The following MPP7 variants were observed in gnomAD, a reference collection of about 807,000 sequenced individuals.
MPP7 encodes the protein MAGUK p55 scaffold protein 7.
In MPP7, 60 loss-of-function variants were observed where a neutral mutation model predicts 76.5. That is an observed-to-expected ratio of 0.78 (90% CI 0.64 to 0.97). The LOEUF is 0.97. MPP7 is among the 50% of genes least tolerant of loss of function. MPP7 has a pLI of 0.00. For synonymous variants in MPP7, 237 were observed against 244.5 expected, an observed-to-expected ratio of 0.97 and a Z score of 0.29; for missense variants, 641 against 694.0, an observed-to-expected ratio of 0.92 and a Z score of 0.86.
chr10:28,131,000 C>G (rs1028236270), intron 6 of MPP7, among the ~76,000 whole-genome samples: 4 of 151,984 alleles, frequency 2.6e-5, no homozygotes, highest in Non-Finnish European at 5.9e-5. Flanking sequence ...ATTAGAGGTT[C>G]TATTTTTCTA....
At chr10:28,101,394 C>G (rs1004315591) in intron 11 of MPP7, among the ~76,000 whole-genome samples, 7 of 152,018 alleles carry the variant, frequency 4.6e-5, no homozygotes, top group African/African-American at 1.7e-4. Flanking sequence ...TGTTGAAGAT[C>G]AGTGTTGCTT....
At chr10:28,244,519 T>C (rs1839370030) in intron 1 of MPP7, among the ~76,000 whole-genome samples, 1 of 152,070 alleles carries the variant, frequency 6.6e-6, no homozygotes, top group Non-Finnish European at 1.5e-5. Context: ...GAAAAAAAGA[T>C]TATGAAGGAT....
At chr10:28,261,928 T>C (rs1395711435) in intron 1 of MPP7, among the ~76,000 whole-genome samples, 8 of 144,390 alleles carry the variant, frequency 5.5e-5, no homozygotes, top group African/African-American at 2.0e-4. Flanking sequence ...GGTGGGTGGA[T>C]TGCTTGAGGT....
chr10:28,074,605 C>A (rs1006192629), intron 12 of MPP7, among the ~76,000 whole-genome samples: 1 of 152,090 alleles, frequency 6.6e-6, no homozygotes, highest in Non-Finnish European at 1.5e-5. Flanking sequence ...TCTAAAGCAG[C>A]CTTTATCCTT....
intron 11 of MPP7, among the ~76,000 whole-genome samples, chr10:28,105,760 G>T (rs2133538749): frequency 6.6e-6 from 1 of 152,220 alleles, no homozygotes; most frequent in Non-Finnish European, 1.5e-5. Context: ...CACTGGCCTT[G>T]GCTTCCCAAA....
chr10:28,297,101 CAT>C (rs1438525132), intron 1 of MPP7, among the ~76,000 whole-genome samples: 8 of 152,208 alleles, frequency 5.3e-5, no homozygotes, highest in African/African-American at 1.2e-4. Context: ...GAAGATATCA[CAT>C]GTTCCATTCC....
At chr10:28,163,393 A>G (rs182195356) in intron 3 of MPP7, among the ~76,000 whole-genome samples, 2 of 152,256 alleles carry the variant, frequency 1.3e-5, no homozygotes, top group East Asian at 3.9e-4. Context: ...CCATCTTACT[A>G]TCTTACCTAT....
At chr10:28,094,653 A>T (rs890190136) in intron 11 of MPP7, among the ~76,000 whole-genome samples, 1 of 152,162 alleles carries the variant, frequency 6.6e-6, no homozygotes, top group Non-Finnish European at 1.5e-5. Flanking sequence ...CGGGGTGAGG[A>T]GGGGGAGTTA....
chr10:28,267,593 T>C (rs1840186916), intron 1 of MPP7, among the ~76,000 whole-genome samples: 1 of 152,214 alleles, frequency 6.6e-6, no homozygotes, highest in Non-Finnish European at 1.5e-5. Context: ...AGATTAGGGA[T>C]GCTTGAGCAA....
chr10:28,280,579 C>T (rs1421692641), intron 1 of MPP7, among the ~76,000 whole-genome samples: 1 of 152,024 alleles, frequency 6.6e-6, no homozygotes, highest in African/African-American at 2.4e-5. Flanking sequence ...GTCCAAATTT[C>T]AGGAACAGAA....
chr10:28,147,576 T>G lies in MPP7; in HGVS notation c.235-13A>C. The G allele has an allele frequency of 6.2e-7, 1 of 1,611,426 alleles. No individual in the cohort carries two copies. ...GCTCTTCGGCCAGCTGCAACGGAGATTACATTGACTTAAAGAACATTTAGT... is the reference window on the plus strand; with the variant it reads ...GCTCTTCGGCCAGCTGCAACGGAGAGTACATTGACTTAAAGAACATTTAGT... On this transcript the variant is annotated splice_polypyrimidine_tract_variant and intron_variant, in intron 4 of 16. Transcript: ENST00000683449.
rs1043787458 is a variant in MPP7, at chr10:28,051,900, A to G, written c.*2165T>C. On this transcript the variant is annotated 3_prime_UTR_variant, in exon 17 of 17. Transcript: ENST00000683449. ...GACCCTGTCTCAAAAAAAAAAAAAA[A>G]AGTATACTACCTGATTTCTAAAATT... is the stretch of plus-strand genomic sequence containing the variant. 4 of 152,218 alleles carry G rather than the reference A, an allele frequency of 2.6e-5. No individual in the cohort carries two copies. The highest frequency in any genetic ancestry group is 9.7e-5 in the African/African-American group (4 of 41,374). 9.4% of individuals were successfully genotyped at this position (152,218 alleles called of 1,614,324 possible).
intron 1 of MPP7, among the ~76,000 whole-genome samples, chr10:28,295,586 G>C (rs996540365): frequency 6.6e-6 from 1 of 152,124 alleles, no homozygotes; most frequent in Non-Finnish European, 1.5e-5. Context: ...AGAAATATTT[G>C]ATTAACAAGA....
chr10:28,282,297 G>A (rs1466999342), intron 1 of MPP7, among the ~76,000 whole-genome samples: 4 of 152,052 alleles, frequency 2.6e-5, no homozygotes, highest in African/African-American at 9.7e-5. Flanking sequence ...GATAAAATAG[G>A]AACCTGAGCC....
At chr10:28,110,104 T>C (rs796411127) in intron 11 of MPP7, among the ~76,000 whole-genome samples, 71 of 151,764 alleles carry the variant, frequency 4.7e-4, no homozygotes, top group African/African-American at 1.5e-3. Flanking sequence ...TTTCTTTTTT[T>C]TTTTGAGATG....
intron 2 of MPP7, among the ~76,000 whole-genome samples, chr10:28,206,486 T>G (rs1198715801): frequency 1.3e-5 from 2 of 152,188 alleles, no homozygotes; most frequent in Non-Finnish European, 2.9e-5. Flanking sequence ...AAAATGCTCA[T>G]GCCTGCTTCT....
intron 3 of MPP7, among the ~76,000 whole-genome samples, chr10:28,163,287 T>C (rs759669892): frequency 3.3e-5 from 5 of 152,218 alleles, no homozygotes; most frequent in Admixed American, 6.5e-5. Flanking sequence ...AGGGACTTTG[T>C]ACTTGCTGTT....
At position 28,144,796 on chromosome 10, in the gene MPP7, C is replaced by T. The variant is rs78627242; in HGVS notation, c.315+2687G>A. The stretch of plus-strand genomic sequence containing the variant: ...CTATGTATCCCATATCATTTCCATA[C>T]GCTCCCTCTTTTAAATCAGTATTTC... On this transcript the variant is annotated intron_variant, in intron 5 of 16. Transcript: ENST00000683449. 9.7e-3 allele frequency among the ~76,000 whole-genome samples: 1,472 copies of T among 152,190 alleles called. 34 individuals are homozygous for T. Among genetic ancestry groups the T allele is most frequent in the East Asian group, 0.075 (386 of 5,176 alleles).
chr10:28,110,479 T>C (rs936132092), intron 11 of MPP7, among the ~76,000 whole-genome samples: 1 of 152,154 alleles, frequency 6.6e-6, no homozygotes, highest in Non-Finnish European at 1.5e-5. Context: ...TAGGTAAAAA[T>C]ACAGCACTTA....
Sources: allele counts gnomAD v4.1 joint callset (sites outside exome capture counted in the v4.1 genomes callset), GRCh38; gene constraint gnomAD v4.1.1; transcripts MANE v1.5; gene names NCBI Gene and HGNC (gene_info 2026-07-23, HGNC 2026-07-21).